Variants in TMEM132D observed in about 807,000 individuals in gnomAD.
TMEM132D encodes mature OL transmembrane protein.
A neutral mutation model predicts 62.3 loss-of-function variants in TMEM132D; 21 were observed. That is an observed-to-expected ratio of 0.34 (90% CI 0.24 to 0.49). TMEM132D has a LOEUF of 0.49. Ranked by LOEUF, TMEM132D falls within the 20% of genes least tolerant of loss-of-function variation. TMEM132D has a pLI of 0.99. For synonymous variants in TMEM132D, 621 were observed against 575.6 expected (o/e 1.08, Z -1.13); for missense variants, 1,346 against 1,402.8 (o/e 0.96, Z 0.65).
chr12:129,592,879 T>C (rs1878233107), intron 2 of TMEM132D, among the ~76,000 whole-genome samples: 1 of 152,154 alleles, frequency 6.6e-6, no homozygotes, highest in Non-Finnish European at 1.5e-5. Flanking sequence ...AAGAGGACTA[T>C]TTTATTAGTA....
At position 129,666,548 on chromosome 12, in the gene TMEM132D, T is replaced by C. The variant is rs373108397; in HGVS notation, c.968+33262A>G. 2.6e-5 allele frequency among the ~76,000 whole-genome samples: 4 copies of C among 152,206 alleles called. No individual in the cohort carries two copies. The East Asian group carries it at 5.8e-4, about 22-fold the overall frequency. ...CAGATATCAAATCTGCTAAATGCTT[T>C]AAGGTCAAACTATTTCCTTGACTTT... On this transcript the variant is annotated intron_variant, in intron 2 of 8. Coordinates refer to ENST00000422113, the MANE Select transcript of TMEM132D (RefSeq NM_133448.3).
chr12:129,813,156 C>T (rs1175247119), intron 1 of TMEM132D, among the ~76,000 whole-genome samples: 1 of 151,750 alleles, frequency 6.6e-6, no homozygotes, highest in Non-Finnish European at 1.5e-5. Flanking sequence ...ATTTCACCTG[C>T]TAAATATCTC....
At chr12:129,486,627 C>A (rs1338394724) in intron 3 of TMEM132D, among the ~76,000 whole-genome samples, 1 of 152,178 alleles carries the variant, frequency 6.6e-6, no homozygotes, top group Non-Finnish European at 1.5e-5. Flanking sequence ...AGGGATCATA[C>A]ACCCTAAGTC....
chr12:129,309,027 T>C (rs899571679), intron 4 of TMEM132D, among the ~76,000 whole-genome samples: 6 of 152,200 alleles, frequency 3.9e-5, no homozygotes, highest in Admixed American at 3.3e-4. Flanking sequence ...TCATAATCCA[T>C]AGGGTACTCT....
Position 129,288,462 on chromosome 12 carries a change from C to A in TMEM132D, c.1299+49172G>T, listed in dbSNP as rs1006030285. On this transcript the variant is annotated intron_variant, in intron 4 of 8. Transcript: ENST00000422113. ...GTTAAAGACTTAAATAGACATTTCT[C>A]CAAAGAAGACATACAAATGGCCAAT... Among the ~76,000 whole-genome samples the A allele has an allele frequency of 5.3e-5, 8 of 152,136 alleles. No individual in the cohort carries two copies. The East Asian group carries it at 9.6e-4, about 18-fold the overall frequency.
intron 1 of TMEM132D, among the ~76,000 whole-genome samples, chr12:129,822,789 G>T (rs1257733315): frequency 6.6e-6 from 1 of 152,140 alleles, no homozygotes; most frequent in African/African-American, 2.4e-5. Context: ...TGACGAGCAT[G>T]GGGAAAATCA....
intron 1 of TMEM132D, among the ~76,000 whole-genome samples, chr12:129,834,416 G>A (rs1410880514): frequency 1.3e-5 from 2 of 152,044 alleles, no homozygotes; most frequent in Non-Finnish European, 2.9e-5. Context: ...CATTGGAACA[G>A]GGCACATGGA....
chr12:129,694,138 C>A, intron 2 of TMEM132D, among the ~76,000 whole-genome samples: 1 of 152,166 alleles, frequency 6.6e-6, no homozygotes, highest in East Asian at 1.9e-4. Context: ...TTCTTTTAAA[C>A]TAAAAAGGCA....
At chr12:129,636,735 T>A (rs201846383) in intron 2 of TMEM132D, among the ~76,000 whole-genome samples, 3,134 of 91,306 alleles carry the variant, frequency 0.034, 80 homozygotes, top group African/African-American at 0.081. Flanking sequence ...TGTGTGTGTG[T>A]GTGAGAGAGA....
intron 3 of TMEM132D, among the ~76,000 whole-genome samples, chr12:129,525,412 T>C (rs948878877): frequency 6.6e-6 from 1 of 152,020 alleles, no homozygotes; most frequent in South Asian, 2.1e-4. Context: ...TTATCATTGA[T>C]ACAGGCTCGG....
intron 4 of TMEM132D, among the ~76,000 whole-genome samples, chr12:129,265,537 C>A (rs1880664066): frequency 6.6e-6 from 1 of 152,250 alleles, no homozygotes; most frequent in Non-Finnish European, 1.5e-5. Flanking sequence ...TGGGGGTAAG[C>A]CCCGGTGTCC....
At chr12:129,378,292 C>T (rs995173609) in intron 3 of TMEM132D, among the ~76,000 whole-genome samples, 1 of 152,208 alleles carries the variant, frequency 6.6e-6, no homozygotes, top group African/African-American at 2.4e-5. Context: ...GCCTTTGAGG[C>T]ATCTTCCATG....
At chr12:129,156,479 T>G (rs1877249184) in intron 5 of TMEM132D, among the ~76,000 whole-genome samples, 1 of 152,092 alleles carries the variant, frequency 6.6e-6, no homozygotes. Flanking sequence ...ATTCCTGAGA[T>G]AGCTAGTTCA....
intron 3 of TMEM132D, among the ~76,000 whole-genome samples, chr12:129,406,643 A>G (rs938495480): frequency 1.3e-5 from 2 of 151,844 alleles, no homozygotes; most frequent in Non-Finnish European, 2.9e-5. Context: ...AAAGATATGT[A>G]CACATGGGTA....
chr12:129,840,723 T>C (rs1873165631), intron 1 of TMEM132D, among the ~76,000 whole-genome samples: 1 of 152,156 alleles, frequency 6.6e-6, no homozygotes, highest in South Asian at 2.1e-4. Context: ...AGTCCCACCC[T>C]GGCAGCCTGG....
chr12:129,497,002 G>A (rs754536437), intron 3 of TMEM132D, among the ~76,000 whole-genome samples: 12 of 152,230 alleles, frequency 7.9e-5, no homozygotes, highest in South Asian at 6.2e-4. Context: ...TCCTTCTTGC[G>A]TCTCTGCATT....
rs2135604554 is a variant in TMEM132D at position 129,074,757 on chromosome 12, G to A, written c.2418C>T (p.Thr806=). The part of the protein sequence containing the change: ...KFGQNDANPN[T]SDSRHTGAGV... Reference sequence around the variant, plus strand: ...CTGCCCCTGTGTGTCTGCTGTCACTGGTGTTGGGGTTAGCATCGTTTTGGC... The same window carrying A: ...CTGCCCCTGTGTGTCTGCTGTCACTAGTGTTGGGGTTAGCATCGTTTTGGC... The change falls in exon 9 of 9, where the codon ACC becomes ACT. Residue 806 remains threonine (T), a synonymous_variant. Transcript: ENST00000422113. The A allele has an allele frequency of 6.2e-7, 1 of 1,614,138 alleles. No homozygotes were observed. Among genetic ancestry groups the A allele is most frequent in the South Asian group, 1.1e-5 (1 of 91,078 alleles).
chr12:129,798,200 G>A (rs371142365), intron 1 of TMEM132D, among the ~76,000 whole-genome samples: 21 of 152,260 alleles, frequency 1.4e-4, no homozygotes, highest in Non-Finnish European at 2.4e-4. Context: ...CTACAGAACC[G>A]TGAGCCAATT....
chr12:129,073,742 G>T lies in TMEM132D; in HGVS notation c.*133C>A, dbSNP rs1276321457. On this transcript the variant is annotated 3_prime_UTR_variant, in exon 9 of 9. Transcript: ENST00000422113. Reference sequence around the variant, plus strand: ...CCTCGCCGCCGAGCCGGGGTCATTGGCTGAGGCTGTATGGATAGTGTCATC... The same window carrying T: ...CCTCGCCGCCGAGCCGGGGTCATTGTCTGAGGCTGTATGGATAGTGTCATC... The T allele has an allele frequency of 2.5e-6, 2 of 813,794 alleles. No individual in the cohort carries two copies. The highest frequency in any genetic ancestry group is 1.7e-5 in the African/African-American group (1 of 58,202). 50.4% of individuals were successfully genotyped at this position (813,794 alleles called of 1,614,324 possible).
Sources: gnomAD v4.1 joint callset for allele counts (sites outside exome capture counted in the v4.1 genomes callset) on GRCh38, gnomAD v4.1.1 for gene constraint, MANE v1.5 for transcripts, NCBI Gene and HGNC (gene_info 2026-07-23, HGNC 2026-07-21) for gene names.